Variants in PRKCH observed in about 807,000 individuals in gnomAD.
The protein encoded by PRKCH is protein kinase C eta.
Under a neutral mutation model 82.5 loss-of-function variants are expected in PRKCH, and 28 were observed. The ratio of observed to expected loss-of-function variants is 0.34; its 90% confidence interval spans 0.25 to 0.47. PRKCH has a LOEUF of 0.47. PRKCH is among the 20% of genes least tolerant of loss of function. The pLI is 1.00. For missense variants in PRKCH, 705 were observed against 881.8 expected (o/e 0.80, Z 2.54); for synonymous variants, 322 against 327.4 (o/e 0.98, Z 0.18).
chr14:61,212,857 G>A (rs1216401344), intron 1 of PRKCH, among the ~76,000 whole-genome samples: 1 of 152,228 alleles, frequency 6.6e-6, no homozygotes, highest in Non-Finnish European at 1.5e-5. Context: ...GTGAGCAGAG[G>A]AGGGAGCAAC....
At chr14:61,285,187 A>G (rs1050152237) in intron 1 of PRKCH, among the ~76,000 whole-genome samples, 1 of 152,190 alleles carries the variant, frequency 6.6e-6, no homozygotes, top group Non-Finnish European at 1.5e-5. Flanking sequence ...CTTAAAGGTG[A>G]AGCTCTTTAA....
intron 2 of PRKCH, among the ~76,000 whole-genome samples, chr14:61,420,160 A>C (rs1016940017): frequency 6.6e-6 from 1 of 152,010 alleles, no homozygotes; most frequent in Non-Finnish European, 1.5e-5. Context: ...TTTGTACTAA[A>C]TGGGTCATGT....
chr14:61,290,882 G>A (rs887423280), intron 1 of PRKCH, among the ~76,000 whole-genome samples: 1 of 152,164 alleles, frequency 6.6e-6, no homozygotes, highest in Middle Eastern at 3.2e-3. Context: ...TAAATACAGA[G>A]CCATATGTTT....
At chr14:61,491,454 C>T (rs189940961) in intron 10 of PRKCH, among the ~76,000 whole-genome samples, 1 of 152,204 alleles carries the variant, frequency 6.6e-6, no homozygotes, top group Admixed American at 6.5e-5. Context: ...GCTGTGAGCC[C>T]TCACCTGGGA....
intron 1 of PRKCH, among the ~76,000 whole-genome samples, chr14:61,206,645 C>T (rs1376212286): frequency 2.0e-5 from 3 of 152,076 alleles, no homozygotes; most frequent in Non-Finnish European, 4.4e-5. Flanking sequence ...AGAGAACAAA[C>T]CCAATTAGAA....
At chr14:61,402,115 G>A (rs956110134) in intron 2 of PRKCH, among the ~76,000 whole-genome samples, 5 of 152,262 alleles carry the variant, frequency 3.3e-5, no homozygotes, top group South Asian at 4.2e-4. Flanking sequence ...TGTTATTAAC[G>A]ATTGTAATTT....
chr14:61,269,683 G>T (rs1390847239), intron 1 of PRKCH, among the ~76,000 whole-genome samples: 7 of 152,160 alleles, frequency 4.6e-5, no homozygotes, highest in African/African-American at 1.7e-4. Flanking sequence ...TCCCCTAAGA[G>T]CAGATTTTTT....
chr14:61,493,704 T>C (rs1407195902), intron 10 of PRKCH, among the ~76,000 whole-genome samples: 1 of 152,042 alleles, frequency 6.6e-6, no homozygotes, highest in Non-Finnish European at 1.5e-5. Flanking sequence ...GATTTATATT[T>C]TACTTTTACG....
At chr14:61,408,395 A>G (rs1882080615) in intron 2 of PRKCH, among the ~76,000 whole-genome samples, 1 of 152,132 alleles carries the variant, frequency 6.6e-6, no homozygotes, top group Non-Finnish European at 1.5e-5. Flanking sequence ...CCCAAAAGTT[A>G]ATTTCTGGTG....
At chr14:61,274,349 G>C (rs182141337) in intron 1 of PRKCH, among the ~76,000 whole-genome samples, 8 of 152,322 alleles carry the variant, frequency 5.3e-5, no homozygotes, top group Non-Finnish European at 1.0e-4. Flanking sequence ...TGTATGTCCT[G>C]CTGAGTTTAC....
At chr14:61,210,161 T>TATATATAAAA (rs1555369165) in intron 1 of PRKCH, among the ~76,000 whole-genome samples, 1 of 95,150 alleles carries the variant, frequency 1.1e-5, no homozygotes, top group Admixed American at 1.1e-4. Context: ...TATATATATA[T>TATATATAAAA]AAATTAGCTT....
intron 10 of PRKCH, among the ~76,000 whole-genome samples, chr14:61,496,122 G>A (rs776712143): frequency 5.3e-5 from 8 of 152,182 alleles, no homozygotes; most frequent in Non-Finnish European, 8.8e-5. Context: ...GAATTCGGGC[G>A]TCATGGGCGT....
chr14:61,349,265 A>G (rs1481534828), intron 1 of PRKCH, among the ~76,000 whole-genome samples: 1 of 152,198 alleles, frequency 6.6e-6, no homozygotes, highest in Admixed American at 6.5e-5. Context: ...CAGATCTTCC[A>G]CTATCTTATG....
At chr14:61,359,866 A>G (rs895743898) in intron 1 of PRKCH, among the ~76,000 whole-genome samples, 4 of 152,242 alleles carry the variant, frequency 2.6e-5, no homozygotes, top group Admixed American at 2.0e-4. Context: ...CCTACCATAT[A>G]TAGAACATTT....
At chr14:61,290,111 G>A (rs1338146874) in intron 1 of PRKCH, among the ~76,000 whole-genome samples, 2 of 152,082 alleles carry the variant, frequency 1.3e-5, no homozygotes, top group Non-Finnish European at 2.9e-5. Context: ...GGCCAATATG[G>A]TGAAACCCTG....
At chr14:61,247,152 C>T (rs999740995) in intron 1 of PRKCH, among the ~76,000 whole-genome samples, 1 of 152,066 alleles carries the variant, frequency 6.6e-6, no homozygotes, top group African/African-American at 2.4e-5. Flanking sequence ...ATAATCCTCC[C>T]CAATATAGTA....
At chr14:61,455,112 C>T (rs1218558618) in intron 7 of PRKCH, among the ~76,000 whole-genome samples, 1 of 151,716 alleles carries the variant, frequency 6.6e-6, no homozygotes, top group African/African-American at 2.4e-5. Flanking sequence ...TCACTGCAAG[C>T]TCCGCCTCCC....
intron 1 of PRKCH, among the ~76,000 whole-genome samples, chr14:61,302,020 G>A (rs1343501454): frequency 1.3e-5 from 2 of 152,244 alleles, no homozygotes; most frequent in Non-Finnish European, 1.5e-5. Flanking sequence ...TATCACTACA[G>A]AGTTTTCCCT....
At chr14:61,358,210 A>G (rs914382785) in intron 1 of PRKCH, among the ~76,000 whole-genome samples, 3 of 152,174 alleles carry the variant, frequency 2.0e-5, no homozygotes, top group African/African-American at 4.8e-5. Context: ...TAAAAATACT[A>G]TCCATCTCAG....
Sources: gnomAD v4.1 joint callset for allele counts (sites outside exome capture counted in the v4.1 genomes callset) on GRCh38, gnomAD v4.1.1 for gene constraint, MANE v1.5 for transcripts, NCBI Gene and HGNC (gene_info 2026-07-23, HGNC 2026-07-21) for gene names.